Variants in CCDC138 observed in about 807,000 individuals in gnomAD.
CCDC138 encodes the protein coiled-coil domain-containing protein 138.
In CCDC138, 66 loss-of-function variants were observed where a neutral mutation model predicts 82.3. That is an observed-to-expected ratio of 0.80 (90% CI 0.66 to 0.98). The LOEUF is 0.98. Among genes scored for constraint, CCDC138 ranks in the 50% least tolerant of loss-of-function variants. The pLI, the probability that CCDC138 is intolerant of heterozygous loss-of-function variation, is 0.00. For synonymous variants in CCDC138, 297 were observed against 265.4 expected (o/e 1.12, Z -1.16); for missense variants, 816 against 758.9 (o/e 1.08, Z -0.88).
At chr2:108,859,743 A>C (rs1451488101) in intron 13 of CCDC138, among the ~76,000 whole-genome samples, 2 of 152,060 alleles carry the variant, frequency 1.3e-5, no homozygotes, top group African/African-American at 2.4e-5. Context: ...TGATGCTTCC[A>C]GCTTTGTTCT....
chr2:108,835,597 A>G (rs1688442920), intron 10 of CCDC138, among the ~76,000 whole-genome samples: 1 of 152,260 alleles, frequency 6.6e-6, no homozygotes, highest in African/African-American at 2.4e-5. Flanking sequence ...AGATTTGTAA[A>G]TCTATTCAAG....
At chr2:108,829,626 G>A (rs13406128) in intron 10 of CCDC138, among the ~76,000 whole-genome samples, 7,130 of 152,234 alleles carry the variant, frequency 0.047, 559 homozygotes, top group African/African-American at 0.16. Flanking sequence ...CACACCTGTA[G>A]TCCCAGCTAC....
chr2:108,800,638 T>TTTTTTTTTTTTTTA (rs1491527939), intron 6 of CCDC138, among the ~76,000 whole-genome samples: 1 of 73,772 alleles, frequency 1.4e-5, no homozygotes, highest in African/African-American at 5.8e-5. Flanking sequence ...TTTTTTTTTT[T>TTTTTTTTTTTTTTA]AATTATACTT....
At chr2:108,807,579 T>C (rs1683076714) in intron 7 of CCDC138, among the ~76,000 whole-genome samples, 1 of 152,172 alleles carries the variant, frequency 6.6e-6, no homozygotes, top group Non-Finnish European at 1.5e-5. Context: ...TGTAGTGCTA[T>C]AAAGCTAGAA....
chr2:108,819,327 C>T (rs559784413), intron 10 of CCDC138, among the ~76,000 whole-genome samples: 1 of 152,292 alleles, frequency 6.6e-6, no homozygotes, highest in South Asian at 2.1e-4. Context: ...CTATTCCCTA[C>T]CGTCTCCCTT....
chr2:108,875,870 AG>A (rs1695954127), intron 14 of CCDC138, among the ~76,000 whole-genome samples: 1 of 152,102 alleles, frequency 6.6e-6, no homozygotes, highest in Admixed American at 6.5e-5. Context: ...AAGAAAAAAA[AG>A]TTTTCTTTTT....
In CCDC138 at chr2:108,846,912, C is replaced by G. The variant is rs1257635807; in HGVS notation, c.1498C>G (p.Leu500Val). The G allele has an allele frequency of 1.1e-5, 18 of 1,600,624 alleles. No individual in the cohort carries two copies. Among genetic ancestry groups the G allele is most frequent in the Non-Finnish European group, 1.5e-5 (17 of 1,169,998 alleles). The change falls in exon 12 of 15, where the codon CTC (leucine) becomes GTC (valine). Residue 500 changes from leucine (L) to valine (V), a missense_variant. Coordinates refer to ENST00000295124, the MANE Select transcript of CCDC138 (RefSeq NM_144978.3). ...PLRFLSTLIV[L>V]KTVTQADYLA... is the part of the protein sequence containing the mutation. ...GAGATTTTTATCAACCTTAATTGTT[C>G]TCAAAACAGTCACTCAAGGTAAGCT...
Position 108,843,883 on chromosome 2 carries a change from TTTC to T in CCDC138, c.1324-2852_1324-2850del, listed in dbSNP as rs1222472206. Among the ~76,000 whole-genome samples, 21 of 124,310 alleles carry T rather than the reference TTTC, an allele frequency of 1.7e-4. 3 individuals are homozygous for T. Among genetic ancestry groups the T allele is most frequent in the Admixed American group, 1.5e-3 (14 of 9,262 alleles). 81.6% of individuals were successfully genotyped at this position (124,310 alleles called of 152,430 possible). On this transcript the variant is annotated intron_variant, in intron 11 of 14. Coordinates refer to ENST00000295124, the MANE Select transcript of CCDC138 (RefSeq NM_144978.3). ...GTGTGTGTGTGTGTGTGTGTGTTTC[TTTC>T]TTTTTTTTTTTTTTTTTTTTTTGAG...
intron 12 of CCDC138, among the ~76,000 whole-genome samples, chr2:108,853,932 A>T (rs1206769834): frequency 4.0e-5 from 5 of 123,620 alleles, no homozygotes; most frequent in Non-Finnish European, 4.8e-5. Flanking sequence ...ATTATATATA[A>T]TTTATATATA....
At chr2:108,803,864 A>T (rs1039365715) in intron 6 of CCDC138, among the ~76,000 whole-genome samples, 1 of 152,214 alleles carries the variant, frequency 6.6e-6, no homozygotes, top group East Asian at 1.9e-4. Context: ...AATGGAATGC[A>T]TATGTTTTTA....
chr2:108,810,016 G>C (rs1683530965), intron 7 of CCDC138, among the ~76,000 whole-genome samples: 1 of 152,150 alleles, frequency 6.6e-6, no homozygotes, highest in African/African-American at 2.4e-5. Flanking sequence ...GTATTGGCCA[G>C]GGTGGTCTTG....
intron 5 of CCDC138, among the ~76,000 whole-genome samples, chr2:108,796,206 G>C: frequency 6.6e-6 from 1 of 151,708 alleles, no homozygotes; most frequent in East Asian, 1.9e-4. Flanking sequence ...CTGCCACCGC[G>C]CCCGGCTAAT....
At chr2:108,830,060 A>G (rs1385790500) in intron 10 of CCDC138, among the ~76,000 whole-genome samples, 3 of 152,214 alleles carry the variant, frequency 2.0e-5, no homozygotes, top group Non-Finnish European at 4.4e-5. Context: ...AAGATGTGGT[A>G]TATACATACA....
In CCDC138 at chr2:108,856,026, A is replaced by T. The variant is rs114225416; in HGVS notation, c.1517-768A>T. On this transcript the variant is annotated intron_variant, in intron 12 of 14. Transcript: ENST00000295124. ...TTGTACATTAAAAGCACAAGGTAAG[A>T]CTGCTGTAAGAGTAGGGACTTGGGT... 3.3e-3 allele frequency among the ~76,000 whole-genome samples: 496 copies of T among 152,322 alleles called. 1 individual carries two copies. Among genetic ancestry groups the T allele is most frequent in the African/African-American group, 0.011 (469 of 41,556 alleles).
In CCDC138 at chr2:108,794,602, G is replaced by T; in HGVS notation, c.457G>T (p.Asp153Tyr). 2 of 1,614,050 alleles carry T rather than the reference G, an allele frequency of 1.2e-6. No individual in the cohort carries two copies. The highest frequency in any genetic ancestry group is 1.7e-6 in the Non-Finnish European group (2 of 1,179,970). ...PRTECCSDAG[D>Y]SPLKPVSCPK... The stretch of plus-strand genomic sequence containing the variant: ...GACTGAGTGTTGTAGTGATGCAGGT[G>T]ACTCTCCTTTGAAACCTGTCAGCTG... Residue 153 changes from aspartate to tyrosine, a missense_variant, in exon 5 of 15, where the codon GAC (aspartate) becomes TAC (tyrosine). Physicochemically the swap from Asp to Tyr is radical, Grantham distance 160 (BLOSUM62 -3). Coordinates refer to ENST00000295124, the MANE Select transcript of CCDC138 (RefSeq NM_144978.3).
chr2:108,808,366 A>G (rs1224463193), intron 7 of CCDC138, among the ~76,000 whole-genome samples: 1 of 152,208 alleles, frequency 6.6e-6, no homozygotes, highest in South Asian at 2.1e-4. Context: ...TCTCCTGTGA[A>G]TATATACCCA....
At chr2:108,858,173 G>T (rs1030979221) in intron 13 of CCDC138, among the ~76,000 whole-genome samples, 1 of 152,090 alleles carries the variant, frequency 6.6e-6, no homozygotes, top group Non-Finnish European at 1.5e-5. Flanking sequence ...GTGAAACCCC[G>T]TCTGTACTAA....
chr2:108,848,143 AATT>A (rs966284042), intron 12 of CCDC138, among the ~76,000 whole-genome samples: 6 of 152,228 alleles, frequency 3.9e-5, no homozygotes, highest in African/African-American at 7.2e-5. Flanking sequence ...ATATAAGAAA[AATT>A]ATTAATCATT....
chr2:108,832,923 T>C (rs1687942784), intron 10 of CCDC138, among the ~76,000 whole-genome samples: 1 of 152,144 alleles, frequency 6.6e-6, no homozygotes, highest in Non-Finnish European at 1.5e-5. Flanking sequence ...ATCCCACAGA[T>C]AAGAGGGAGA....
Sources: allele counts gnomAD v4.1 joint callset (sites outside exome capture counted in the v4.1 genomes callset), GRCh38; gene constraint gnomAD v4.1.1; transcripts MANE v1.5; gene names NCBI Gene and HGNC (gene_info 2026-07-23, HGNC 2026-07-21).